The following ZNF652 variants were observed in gnomAD, a reference collection of about 807,000 sequenced individuals.
The protein encoded by ZNF652 is zinc finger protein 652.
A neutral mutation model predicts 45.2 loss-of-function variants in ZNF652; 16 were observed. The ratio of observed to expected loss-of-function variants is 0.35; its 90% CI spans 0.24 to 0.54. ZNF652 has a LOEUF of 0.54. Ranked by LOEUF, ZNF652 falls within the 20% of genes least tolerant of loss-of-function variation. ZNF652 has a pLI of 0.91. For missense variants in ZNF652, 614 were observed against 765.6 expected, an observed-to-expected ratio of 0.80 and a Z score of 2.34; for synonymous variants, 250 against 260.6, an observed-to-expected ratio of 0.96 and a Z score of 0.39.
chr17:49,335,925 A>C lies in ZNF652; in HGVS notation c.-258-17942T>G, dbSNP rs1351397878. On this transcript the variant is annotated intron_variant, in intron 1 of 5. Coordinates refer to ENST00000430262, the MANE Select transcript of ZNF652 (RefSeq NM_001145365.3). ...CATTCCTTGGATGATTCTATTCATA[A>C]TCCTCTGCCTTAGTCAGAAAGCATT... Among the ~76,000 whole-genome samples, 3 of 152,234 alleles carry C rather than the reference A, an allele frequency of 2.0e-5. No homozygotes were observed. In the East Asian group the frequency reaches 5.8e-4, roughly 29 times the overall value.
At position 49,317,970 on chromosome 17, in the gene ZNF652, T is replaced by C; in HGVS notation, c.-245A>G. ...CTTCTGAAGAGAGCTGCAAGGGACT[T>C]GGGAGCATCTTATCTACAAAGAAAA... On this transcript the variant is annotated 5_prime_UTR_variant, in exon 2 of 6. Coordinates refer to ENST00000430262, the MANE Select transcript of ZNF652 (RefSeq NM_001145365.3). 1 of 380,824 alleles carries C rather than the reference T, an allele frequency of 2.6e-6. No homozygotes were observed. Among genetic ancestry groups the C allele is most frequent in the East Asian group, 3.9e-5 (1 of 25,472 alleles). The allele number at this position is 380,824 out of a possible 1,614,324, so 23.6% of individuals were successfully genotyped here.
chr17:49,339,800 G>A (rs1437226481), intron 1 of ZNF652, among the ~76,000 whole-genome samples: 2 of 152,282 alleles, frequency 1.3e-5, no homozygotes, highest in East Asian at 1.9e-4. Flanking sequence ...CCTGCCACAC[G>A]ACCAAACGAT....
chr17:49,335,718 C>T (rs1234916937), intron 1 of ZNF652, among the ~76,000 whole-genome samples: 1 of 152,114 alleles, frequency 6.6e-6, no homozygotes, highest in Non-Finnish European at 1.5e-5. Flanking sequence ...CAAAAATTAG[C>T]TTATGAATCT....
chr17:49,335,189 GTAA>G (rs1176373008), intron 1 of ZNF652, among the ~76,000 whole-genome samples: 2 of 152,144 alleles, frequency 1.3e-5, no homozygotes, highest in African/African-American at 4.8e-5. Flanking sequence ...GTGATCTGAA[GTAA>G]TAAGATCATG....
At chr17:49,309,329 TAAAAAA>T (rs11307814) in intron 5 of ZNF652, among the ~76,000 whole-genome samples, 3 of 66,314 alleles carry the variant, frequency 4.5e-5, no homozygotes, top group Admixed American at 1.9e-4. Flanking sequence ...CTGTCTCTAC[TAAAAAA>T]AAAAAAAAAA....
rs778486261 is a variant in ZNF652, at chr17:49,317,781, CA to C, written c.-57del. 3.4e-6 allele frequency: 5 copies of C among 1,464,738 alleles called. No homozygotes were observed. The highest frequency in any genetic ancestry group is 4.5e-6 in the Non-Finnish European group (5 of 1,101,478). The allele number at this position is 1,464,738 out of a possible 1,614,324, so 90.7% of individuals were successfully genotyped here. On this transcript the variant is annotated 5_prime_UTR_variant, in exon 2 of 6. The change creates a premature stop within an existing upstream ORF in the 5' untranslated region. Transcript: ENST00000430262. The stretch of plus-strand genomic sequence containing the variant: ...AGACTATAAAGAAATAGCTTTAAAA[CA>C]AGGTAATTATTAAGACTCAAATCTT...
intron 1 of ZNF652, among the ~76,000 whole-genome samples, chr17:49,354,856 G>T (rs1201117838): frequency 6.6e-6 from 1 of 151,938 alleles, no homozygotes; most frequent in Non-Finnish European, 1.5e-5. Context: ...CTCCCCAGTA[G>T]CTGGAATTAC....
At position 49,295,410 on chromosome 17, in the gene ZNF652, TAAAAATAATATATA is replaced by T. The variant is rs1567909372; in HGVS notation, c.*2989_*3002del. The T allele has an allele frequency of 7.3e-6, 1 of 136,908 alleles. No homozygotes were observed. The highest frequency in any genetic ancestry group is 2.5e-5 in the African/African-American group (1 of 40,438). The allele number at this position is 136,908 out of a possible 1,614,324, so 8.5% of individuals were successfully genotyped here. On this transcript the variant is annotated 3_prime_UTR_variant, in exon 6 of 6. Transcript: ENST00000430262. ...TGTACTGTATGACAATGCTAATTTT[TAAAAATAATATATA>T]TATATATTTTTGTTTCTGTTAAGGA... is the stretch of plus-strand genomic sequence containing the variant.
Position 49,298,566 on chromosome 17 carries a change from A to G in ZNF652, c.1668T>C (p.Pro556=), listed in dbSNP as rs1598279630. The change falls in exon 6 of 6, where the codon CCT becomes CCC. Residue 556 remains proline (P), a synonymous_variant. Transcript: ENST00000430262. ...GGATGGGAAGGTGGTGTGGGTGGTG[A>G]GGGTGTGGGTGGATGTGCAGGTGTG... ...PFSHLHIHPH[P]HHPHHLPIPP... is the part of the protein sequence containing the mutation. The G allele has an allele frequency of 6.7e-7, 1 of 1,493,638 alleles. No homozygotes were observed. Among genetic ancestry groups the G allele is most frequent in the Non-Finnish European group, 9.0e-7 (1 of 1,109,420 alleles). The allele number at this position is 1,493,638 out of a possible 1,614,324, so 92.5% of individuals were successfully genotyped here.
chr17:49,312,613 C>T, intron 3 of ZNF652, 85 bp downstream of exon 3: 1 of 1,466,978 alleles, frequency 6.8e-7, no homozygotes, highest in Middle Eastern at 2.5e-4. Context: ...AGGGCAATTC[C>T]TCATATCCTG....
At chr17:49,304,055 A>ATTTTTTTTTTTT (rs58790188) in intron 5 of ZNF652, among the ~76,000 whole-genome samples, 13 of 117,388 alleles carry the variant, frequency 1.1e-4, no homozygotes, top group African/African-American at 3.2e-4. Flanking sequence ...TGCCTGGCTA[A>ATTTTTTTTTTTT]TTTTTTTTTT....
Position 49,301,316 on chromosome 17 carries a change from C to T in ZNF652, c.1310-2392G>A, listed in dbSNP as rs369625394. Among the ~76,000 whole-genome samples the T allele has an allele frequency of 1.7e-4, 26 of 151,770 alleles. 1 individual carries two copies. Among genetic ancestry groups the T allele is most frequent in the African/African-American group, 4.8e-4 (20 of 41,404 alleles). On this transcript the variant is annotated intron_variant, in intron 5 of 5. Coordinates refer to ENST00000430262, the MANE Select transcript of ZNF652 (RefSeq NM_001145365.3). ...TTGTCTTTACGCTTTTTTTTTGAGT[C>T]GGAGTCTTGCTCTGTCGCCCAGGCT... is the stretch of plus-strand genomic sequence containing the variant.
chr17:49,316,741 A>G, intron 2 of ZNF652, 85 bp downstream of exon 2: 1 of 1,395,890 alleles, frequency 7.2e-7, no homozygotes. Flanking sequence ...CCTCTATTGC[A>G]TTTATTCTCT....
At chr17:49,334,559 G>A (rs923198980) in intron 1 of ZNF652, among the ~76,000 whole-genome samples, 2 of 152,058 alleles carry the variant, frequency 1.3e-5, no homozygotes, top group African/African-American at 4.8e-5. Context: ...CAGGTGAATT[G>A]CTAGAGTTCA....
At chr17:49,346,513 T>C (rs2070206516) in intron 1 of ZNF652, among the ~76,000 whole-genome samples, 1 of 152,114 alleles carries the variant, frequency 6.6e-6, no homozygotes, top group African/African-American at 2.4e-5. Flanking sequence ...ATCATACCAC[T>C]GTACTCCAGC....
intron 3 of ZNF652, 117 bp from the exon 4 acceptor site, chr17:49,312,159 CT>C (rs34553823): frequency 0.091 from 12,617 of 138,502 alleles, 15 homozygotes; most frequent in South Asian, 0.15. Context: ...ATTTGTGAGG[CT>C]TTTTTTTTTT....
rs201752360 is a variant in ZNF652, at chr17:49,312,860, T to C, written c.901-15A>G. 1.7e-5 allele frequency: 27 copies of C among 1,608,934 alleles called. No individual in the cohort carries two copies. Among genetic ancestry groups the C allele is most frequent in the African/African-American group, 2.7e-5 (2 of 74,590 alleles). ...CAGGAAACACACTGAGCAGGATAAA[T>C]AGAAATAATATTTATAGGGGCTTAC... is the stretch of plus-strand genomic sequence containing the variant. On this transcript the variant is annotated splice_polypyrimidine_tract_variant and intron_variant, in intron 2 of 5. Coordinates refer to ENST00000430262, the MANE Select transcript of ZNF652 (RefSeq NM_001145365.3).
intron 1 of ZNF652, among the ~76,000 whole-genome samples, chr17:49,341,564 T>C (rs909372770): frequency 5.3e-5 from 8 of 149,774 alleles, no homozygotes; most frequent in African/African-American, 2.0e-4. Flanking sequence ...CTCAGGAGAC[T>C]GAGAAGGAAG....
chr17:49,343,510 T>C (rs764790111), intron 1 of ZNF652, among the ~76,000 whole-genome samples: 3 of 152,262 alleles, frequency 2.0e-5, no homozygotes, highest in Non-Finnish European at 4.4e-5. Flanking sequence ...TGGAAACATT[T>C]ATGTGGGGAG....
Sources: gnomAD v4.1 joint callset for allele counts (sites outside exome capture counted in the v4.1 genomes callset) on GRCh38, gnomAD v4.1.1 for gene constraint, MANE v1.5 for transcripts, NCBI Gene and HGNC (gene_info 2026-07-23, HGNC 2026-07-21) for gene names.